Variants in AGFG2 observed in about 807,000 individuals in gnomAD.
AGFG2 encodes ArfGAP with FG repeats 2.
AGFG2 carries 31 observed loss-of-function variants against 48.0 expected under a neutral mutation model. That is an observed-to-expected ratio of 0.65 (90% confidence interval 0.49 to 0.87). AGFG2 has a LOEUF of 0.87. Among genes scored for constraint, AGFG2 ranks in the 40% least tolerant of loss-of-function variants. The pLI is 0.00. For missense variants in AGFG2, 599 were observed against 632.6 expected, an observed-to-expected ratio of 0.95 and a Z score of 0.57; for synonymous variants, 229 against 260.8, an observed-to-expected ratio of 0.88 and a Z score of 1.18.
At chr7:100,552,112 C>T (rs1400866806) in intron 3 of AGFG2, among the ~76,000 whole-genome samples, 1 of 150,138 alleles carries the variant, frequency 6.7e-6, no homozygotes. Context: ...CAGGCATGGT[C>T]ATGGGCACCT....
At chr7:100,549,429 G>A (rs2131107265) in intron 2 of AGFG2, among the ~76,000 whole-genome samples, 1 of 152,296 alleles carries the variant, frequency 6.6e-6, no homozygotes, top group South Asian at 2.1e-4. Flanking sequence ...GGCCTCTGGA[G>A]GTGTCCTGGA....
Position 100,539,414 on chromosome 7 carries a change from A to C in AGFG2, c.68A>C (p.Glu23Ala), listed in dbSNP as rs1344671092. The part of the protein sequence containing the change: ...GGVSGGKAEA[E>A]AASEVWCRRV... ...GTCAGCGGGGGCAAGGCGGAGGCGG[A>C]GGCGGCCTCGGAGGTGTGGTGCCGT... The change falls in exon 1 of 12, where the codon GAG (glutamate) becomes GCG (alanine). Residue 23 changes from glutamate to alanine, a missense_variant. Coordinates refer to ENST00000300176, the MANE Select transcript of AGFG2 (RefSeq NM_006076.5). 3 of 1,315,160 alleles carry C rather than the reference A, an allele frequency of 2.3e-6. No homozygotes were observed. Among genetic ancestry groups the C allele is most frequent in the African/African-American group, 1.5e-5 (1 of 64,886 alleles). 81.5% of individuals were successfully genotyped at this position (1,315,160 alleles called of 1,614,324 possible). A position where few individuals can be genotyped will look rare whatever the true frequency, so the allele number is the denominator to read the frequency against.
At chr7:100,553,228 G>T (rs1800684652) in intron 3 of AGFG2, 119 bp from the exon 4 acceptor site, 1 of 1,274,456 alleles carries the variant, frequency 7.8e-7, no homozygotes, top group Admixed American at 2.0e-5. Flanking sequence ...CTTCAAAAAA[G>T]GGAATCAGTA....
chr7:100,562,549 T>C lies in AGFG2; in HGVS notation c.999-45T>C, dbSNP rs1203435755. On this transcript the variant is annotated intron_variant, in intron 7 of 11. Coordinates refer to ENST00000300176, the MANE Select transcript of AGFG2 (RefSeq NM_006076.5). This position sits in a 1 kb window ranked among gnomAD's most constrained non-coding sequence, Gnocchi z 5.4. The stretch of plus-strand genomic sequence containing the variant: ...CTCCTGGCCCCTTGCTCAGGTTTGA[T>C]TGGCCCTGGCAGCTGTGTATGACTT... 5 of 1,612,820 alleles carry C rather than the reference T, an allele frequency of 3.1e-6. No individual in the cohort carries two copies. The South Asian group carries it at 3.3e-5, about 11-fold the overall frequency.
chr7:100,562,136 C>G lies in AGFG2; in HGVS notation c.878-123C>G. ...TGAGAAAATGGGCTGCCTCAGAGAA[C>G]CCAGCAGGCACCTGTCATGCCATGA... On this transcript the variant is annotated intron_variant, in intron 6 of 11. Transcript: ENST00000300176. The surrounding 1 kb of genome is among the most constrained non-coding windows in gnomAD (Gnocchi z 5.4). 7.4e-7 allele frequency: 1 copy of G among 1,354,260 alleles called. No homozygotes were observed. The highest frequency in any genetic ancestry group is 1.0e-6 in the Non-Finnish European group (1 of 987,250). 83.9% of individuals were successfully genotyped at this position (1,354,260 alleles called of 1,614,324 possible).
At chr7:100,558,450 G>A (rs749207995) in intron 6 of AGFG2, among the ~76,000 whole-genome samples, 68 of 152,018 alleles carry the variant, frequency 4.5e-4, no homozygotes, top group Non-Finnish European at 7.8e-4. Flanking sequence ...CGAGGAAACA[G>A]CCTATATAAA....
At chr7:100,557,053 C>G (rs919197143) in intron 6 of AGFG2, among the ~76,000 whole-genome samples, 2 of 151,990 alleles carry the variant, frequency 1.3e-5, no homozygotes, top group African/African-American at 4.8e-5. Context: ...CAAAAATTAG[C>G]TGGGCATGGT....
intron 6 of AGFG2, among the ~76,000 whole-genome samples, chr7:100,557,004 C>G (rs560791168): frequency 1.5e-4 from 23 of 152,124 alleles, no homozygotes; most frequent in Non-Finnish European, 2.9e-4. Context: ...TTGACATAAG[C>G]CTGGCCAACA....
At chr7:100,555,056 G>A (rs965545382) in intron 5 of AGFG2, among the ~76,000 whole-genome samples, 1 of 151,964 alleles carries the variant, frequency 6.6e-6, no homozygotes, top group Non-Finnish European at 1.5e-5. Flanking sequence ...ACAGAAGAGG[G>A]CAGGGAGTGA....
chr7:100,561,632 G>C (rs1800875398), intron 6 of AGFG2, among the ~76,000 whole-genome samples: 1 of 152,258 alleles, frequency 6.6e-6, no homozygotes, highest in African/African-American at 2.4e-5. Context: ...ATTTCCATGT[G>C]GGCCTTGCCC....
chr7:100,562,740 G>GA lies in AGFG2; in HGVS notation c.1087+59dup. On this transcript the variant is annotated intron_variant, in intron 8 of 11. Coordinates refer to ENST00000300176, the MANE Select transcript of AGFG2 (RefSeq NM_006076.5). This position sits in a 1 kb window ranked among gnomAD's most constrained non-coding sequence, Gnocchi z 5.4. ...GACCTGAGGCCAGGAGGAGTCTAAG[G>GA]ACTCTGGACAGGGTGGGAAGGGGAG... is the stretch of plus-strand genomic sequence containing the variant. 2 of 1,592,038 alleles carry GA rather than the reference G, an allele frequency of 1.3e-6. No homozygotes were observed. Among genetic ancestry groups the GA allele is most frequent in the African/African-American group, 2.7e-5 (2 of 74,738 alleles).
At chr7:100,545,639 T>C (rs181553516) in intron 1 of AGFG2, among the ~76,000 whole-genome samples, 1 of 152,328 alleles carries the variant, frequency 6.6e-6, no homozygotes, top group Admixed American at 6.5e-5. Context: ...TCCCCAGCAC[T>C]TCCTGGTTAG....
In AGFG2 at chr7:100,557,246, T is replaced by C. The variant is rs552083761; in HGVS notation, c.877+1511T>C. On this transcript the variant is annotated intron_variant, in intron 6 of 11. Coordinates refer to ENST00000300176, the MANE Select transcript of AGFG2 (RefSeq NM_006076.5). ...ATTCACAAAGAGGTTCTCAAAATCATGTACTTAAAATAACTGACCGCATAC... is the reference window on the plus strand; with the variant it reads ...ATTCACAAAGAGGTTCTCAAAATCACGTACTTAAAATAACTGACCGCATAC... Among the ~76,000 whole-genome samples the C allele has an allele frequency of 4.9e-4, 73 of 149,952 alleles. 1 individual carries two copies. In the South Asian group the frequency reaches 0.015, roughly 31 times the overall value.
chr7:100,564,050 C>T (rs1800942481), intron 10 of AGFG2, 88 bp downstream of exon 10: 11 of 1,572,992 alleles, frequency 7.0e-6, no homozygotes, highest in South Asian at 4.6e-5. Context: ...CATCAGAGCC[C>T]ATGCAGTGCC....
At chr7:100,558,214 C>T (rs1212409408) in intron 6 of AGFG2, among the ~76,000 whole-genome samples, 1 of 151,596 alleles carries the variant, frequency 6.6e-6, no homozygotes. Flanking sequence ...GACTTTGTCT[C>T]GAAAAACAAA....
At position 100,539,405 on chromosome 7, in the gene AGFG2, C is replaced by A. The variant is rs996675018; in HGVS notation, c.59C>A (p.Ala20Glu). The part of the protein sequence containing the change: ...GPGGGVSGGK[A>E]EAEAASEVWC... ...GGCGGCGGGGTCAGCGGGGGCAAGG[C>A]GGAGGCGGAGGCGGCCTCGGAGGTG... is the stretch of plus-strand genomic sequence containing the variant. Residue 20 changes from alanine to glutamate, a missense_variant, in exon 1 of 12, where the codon GCG becomes GAG. Physicochemically the swap from Ala to Glu is moderately radical, Grantham distance 107. Coordinates refer to ENST00000300176, the MANE Select transcript of AGFG2 (RefSeq NM_006076.5). 1 of 1,305,972 alleles carries A rather than the reference C, an allele frequency of 7.7e-7. No individual in the cohort carries two copies. Among genetic ancestry groups the A allele is most frequent in the Non-Finnish European group, 9.8e-7 (1 of 1,024,004 alleles). The allele number at this position is 1,305,972 out of a possible 1,614,324, so 80.9% of individuals were successfully genotyped here.
intron 1 of AGFG2, among the ~76,000 whole-genome samples, chr7:100,547,047 C>G (rs1474317244): frequency 6.6e-6 from 1 of 152,160 alleles, no homozygotes; most frequent in Non-Finnish European, 1.5e-5. Context: ...CTGCAAACAG[C>G]GTCAACTGGA....
At chr7:100,543,511 C>T (rs188390469) in intron 1 of AGFG2, among the ~76,000 whole-genome samples, 11 of 152,270 alleles carry the variant, frequency 7.2e-5, no homozygotes, top group Admixed American at 6.6e-4. Context: ...ACAAATATGT[C>T]TCCTTCATAA....
rs1800907474 is a variant in AGFG2, at chr7:100,562,824, TC to T, written c.1088-38del. The T allele has an allele frequency of 6.2e-7, 1 of 1,607,970 alleles. No homozygotes were observed. The highest frequency in any genetic ancestry group is 8.5e-7 in the Non-Finnish European group (1 of 1,174,802). ...AAGCACGTGAGAAAAAAAGTAACCA[TC>T]TCTCTCTTTCCTGCCGCTCCCCATT... On this transcript the variant is annotated intron_variant, in intron 8 of 11. Transcript: ENST00000300176. The surrounding 1 kb of genome is among the most constrained non-coding windows in gnomAD (Gnocchi z 5.4).
Sources: allele counts gnomAD v4.1 joint callset (sites outside exome capture counted in the v4.1 genomes callset), GRCh38; gene constraint gnomAD v4.1.1; non-coding constraint Gnocchi (gnomAD v3.1); transcripts MANE v1.5; gene names NCBI Gene and HGNC (gene_info 2026-07-23, HGNC 2026-07-21).